Variants in NKAIN3 observed in about 807,000 individuals in gnomAD.
NKAIN3 encodes the protein sodium/potassium-transporting ATPase subunit beta-1-interacting protein 3.
Under a neutral mutation model 30.2 loss-of-function variants are expected in NKAIN3, and 25 were observed. The observed-to-expected ratio is 0.83, with a 90% CI of 0.60 to 1.16. NKAIN3 has a LOEUF of 1.16. Among genes scored for constraint, NKAIN3 ranks in the 50% most tolerant of loss-of-function variants. The pLI, the probability that NKAIN3 is intolerant of heterozygous loss-of-function variation, is 0.00. For synonymous variants in NKAIN3, 91 were observed against 89.6 expected (o/e 1.02, Z -0.09); for missense variants, 225 against 254.1 (o/e 0.89, Z 0.78).
intron 3 of NKAIN3, among the ~76,000 whole-genome samples, chr8:62,726,837 C>T (rs1355271109): frequency 6.6e-6 from 1 of 151,992 alleles, no homozygotes; most frequent in African/African-American, 2.4e-5. Flanking sequence ...TGAGGTTACT[C>T]CCTAAGTCAT....
chr8:62,487,238 C>T (rs1464877990), intron 1 of NKAIN3, among the ~76,000 whole-genome samples: 3 of 152,174 alleles, frequency 2.0e-5, no homozygotes, highest in African/African-American at 7.2e-5. Context: ...AGCAGATTTT[C>T]TGACACACTA....
At chr8:62,687,335 C>T (rs935130177) in intron 3 of NKAIN3, among the ~76,000 whole-genome samples, 23 of 152,160 alleles carry the variant, frequency 1.5e-4, no homozygotes, top group African/African-American at 5.6e-4. Flanking sequence ...CTTCAAGTCC[C>T]CTATTACACT....
intron 4 of NKAIN3, among the ~76,000 whole-genome samples, chr8:62,766,120 A>G (rs1334069099): frequency 6.6e-6 from 1 of 152,172 alleles, no homozygotes; most frequent in African/African-American, 2.4e-5. Flanking sequence ...GATATAAAAC[A>G]TGTTGACACA....
chr8:62,350,269 G>C (rs1421317143), intron 1 of NKAIN3, among the ~76,000 whole-genome samples: 2 of 152,034 alleles, frequency 1.3e-5, no homozygotes, highest in African/African-American at 4.8e-5. Context: ...ACCTAACAAT[G>C]GAATATTATC....
In NKAIN3 at chr8:62,356,269, T is replaced by A. The variant is rs140363400; in HGVS notation, c.54+107142T>A. On this transcript the variant is annotated intron_variant, in intron 1 of 6. Coordinates refer to ENST00000623646, the MANE Select transcript of NKAIN3 (RefSeq NM_001304533.3). Reference sequence around the variant, plus strand: ...ACCTGATTATGCATGTGATATTAGCTTACCTTAACTAAGTAATTTACAATT... The same window carrying A: ...ACCTGATTATGCATGTGATATTAGCATACCTTAACTAAGTAATTTACAATT... Among the ~76,000 whole-genome samples the A allele has an allele frequency of 2.6e-5, 4 of 152,342 alleles. No homozygotes were observed. In the East Asian group the frequency reaches 7.7e-4, roughly 29 times the overall value.
chr8:62,729,052 A>AAAAAAAAAAAAAAC (rs1815382295), intron 3 of NKAIN3, among the ~76,000 whole-genome samples: 3 of 138,384 alleles, frequency 2.2e-5, no homozygotes, highest in African/African-American at 8.4e-5. Flanking sequence ...AAAAAAAAAA[A>AAAAAAAAAAAAAAC]CCTCCTGCTC....
At chr8:62,756,710 A>G (rs575768221) in intron 4 of NKAIN3, among the ~76,000 whole-genome samples, 8 of 152,308 alleles carry the variant, frequency 5.3e-5, no homozygotes, top group African/African-American at 1.9e-4. Flanking sequence ...CACAGCATCT[A>G]TGGGTTTTAA....
intron 3 of NKAIN3, among the ~76,000 whole-genome samples, chr8:62,621,174 A>G (rs1811609150): frequency 6.6e-6 from 1 of 152,160 alleles, no homozygotes. Context: ...CATTAATTAT[A>G]AAAGTTATCA....
At chr8:62,285,908 A>G (rs2129398446) in intron 1 of NKAIN3, among the ~76,000 whole-genome samples, 1 of 152,292 alleles carries the variant, frequency 6.6e-6, no homozygotes, top group South Asian at 2.1e-4. Flanking sequence ...ATTCTAGACA[A>G]TTGAATCTGT....
At chr8:62,703,700 C>A (rs1444677495) in intron 3 of NKAIN3, among the ~76,000 whole-genome samples, 6 of 152,142 alleles carry the variant, frequency 3.9e-5, no homozygotes, top group Admixed American at 3.3e-4. Flanking sequence ...TGGCGCACAT[C>A]TTGGTGTGCA....
chr8:62,852,549 G>T (rs537081066), intron 4 of NKAIN3, among the ~76,000 whole-genome samples: 2 of 152,108 alleles, frequency 1.3e-5, no homozygotes, highest in Admixed American at 6.5e-5. Context: ...TGATATTAGG[G>T]TATCAATTTT....
At chr8:62,520,312 G>T (rs1433658990) in intron 1 of NKAIN3, among the ~76,000 whole-genome samples, 1 of 152,030 alleles carries the variant, frequency 6.6e-6, no homozygotes, top group Non-Finnish European at 1.5e-5. Flanking sequence ...ATTTTCCACC[G>T]ATTAAAGGAT....
At chr8:62,347,322 A>G (rs1208605426) in intron 1 of NKAIN3, among the ~76,000 whole-genome samples, 1 of 152,130 alleles carries the variant, frequency 6.6e-6, no homozygotes, top group Non-Finnish European at 1.5e-5. Context: ...CTATCAACAT[A>G]AAAGTTGCAG....
intron 1 of NKAIN3, among the ~76,000 whole-genome samples, chr8:62,516,904 G>A (rs941841208): frequency 2.8e-4 from 43 of 151,812 alleles, no homozygotes; most frequent in African/African-American, 9.9e-4. Flanking sequence ...TCTCCACCCC[G>A]CTTCCAGAAT....
intron 1 of NKAIN3, among the ~76,000 whole-genome samples, chr8:62,384,402 A>C (rs888126474): frequency 6.6e-6 from 1 of 152,174 alleles, no homozygotes; most frequent in African/African-American, 2.4e-5. Context: ...AGTTTCAATA[A>C]ATATTAAATT....
chr8:62,309,097 A>C (rs1814347098), intron 1 of NKAIN3, among the ~76,000 whole-genome samples: 1 of 150,610 alleles, frequency 6.6e-6, no homozygotes. Flanking sequence ...ATATCTATCC[A>C]TTATGATGCC....
intron 1 of NKAIN3, among the ~76,000 whole-genome samples, chr8:62,339,380 G>T (rs1815667728): frequency 1.3e-5 from 2 of 152,024 alleles, no homozygotes; most frequent in South Asian, 4.1e-4. Flanking sequence ...ATTTTAAGAA[G>T]CTCAGTCTGA....
chr8:62,862,925 A>C (rs149148048), intron 4 of NKAIN3, among the ~76,000 whole-genome samples: 56 of 152,356 alleles, frequency 3.7e-4, no homozygotes, highest in African/African-American at 1.3e-3. Context: ...TGCAGGAGTG[A>C]TAAGACACAG....
chr8:62,850,240 G>C (rs1446134160), intron 4 of NKAIN3, among the ~76,000 whole-genome samples: 4 of 152,132 alleles, frequency 2.6e-5, no homozygotes, highest in African/African-American at 4.8e-5. Flanking sequence ...TCTTTTGGCT[G>C]CATAAATGTC....
Sources: gnomAD v4.1 joint callset for allele counts (sites outside exome capture counted in the v4.1 genomes callset) on GRCh38, gnomAD v4.1.1 for gene constraint, MANE v1.5 for transcripts, NCBI Gene and HGNC (gene_info 2026-07-23, HGNC 2026-07-21) for gene names.